OSBPL11: variants seen among roughly 807,000 people sequenced by gnomAD.
OSBPL11 encodes oxysterol-binding protein-related protein 11.
Under a neutral mutation model 84.4 loss-of-function variants are expected in OSBPL11, and 33 were observed. The observed-to-expected ratio is 0.39, with a 90% CI of 0.30 to 0.52. The LOEUF is 0.52. Ranked by LOEUF, OSBPL11 falls within the 20% of genes least tolerant of loss-of-function variation. The pLI, the probability that OSBPL11 is intolerant of heterozygous loss-of-function variation, is 0.72. For synonymous variants in OSBPL11, 276 were observed against 310.2 expected (o/e 0.89, Z 1.16); for missense variants, 736 against 901.1 (o/e 0.82, Z 2.35).
intron 9 of OSBPL11, among the ~76,000 whole-genome samples, chr3:125,549,337 T>G (rs540372900): frequency 2.6e-5 from 4 of 152,206 alleles, no homozygotes; most frequent in Non-Finnish European, 5.9e-5. Context: ...TTCCTGACTT[T>G]TACTTACTTT....
chr3:125,557,421 G>A (rs369740368), intron 8 of OSBPL11, among the ~76,000 whole-genome samples: 13 of 151,630 alleles, frequency 8.6e-5, no homozygotes, highest in South Asian at 2.1e-4. Flanking sequence ...TAGCTCTGTC[G>A]CCCAGGCTAG....
At chr3:125,577,102 T>C (rs902860220) in intron 4 of OSBPL11, among the ~76,000 whole-genome samples, 1 of 152,214 alleles carries the variant, frequency 6.6e-6, no homozygotes, top group Non-Finnish European at 1.5e-5. Flanking sequence ...ACTAGAACCT[T>C]GCAGTATGAG....
chr3:125,578,894 A>T, intron 4 of OSBPL11, 66 bp downstream of exon 4: 1 of 1,033,894 alleles, frequency 9.7e-7, no homozygotes. Flanking sequence ...CAATTTTAAA[A>T]GGCAAAAAAT....
In OSBPL11 at chr3:125,563,751, G is replaced by T; in HGVS notation, c.961C>A (p.Pro321Thr). 6.2e-7 allele frequency: 1 copy of T among 1,614,094 alleles called. No homozygotes were observed. Among genetic ancestry groups the T allele is most frequent in the Non-Finnish European group, 8.5e-7 (1 of 1,179,978 alleles). ...GGCTGCTCTTCTGGGACTGCCACCGGCTTACTCTGATCAGTTGCAAAGGGC... is the reference window on the plus strand; with the variant it reads ...GGCTGCTCTTCTGGGACTGCCACCGTCTTACTCTGATCAGTTGCAAAGGGC... ...DQPFATDQSK[P>T]VAVPEEQPVA... Residue 321 changes from proline (P) to threonine (T), a missense_variant, in exon 7 of 13, where the codon CCG (proline) becomes ACG (threonine). Physicochemically the swap from Pro to Thr is conservative, Grantham distance 38. This residue lies in a region of OSBPL11 where 579 missense variants were observed against 717.6 expected (regional missense o/e 0.81). Transcript: ENST00000296220.
chr3:125,583,518 C>T (rs1303155881), intron 1 of OSBPL11, among the ~76,000 whole-genome samples: 1 of 137,492 alleles, frequency 7.3e-6, no homozygotes, highest in South Asian at 2.3e-4. Flanking sequence ...GAGGTGGAGG[C>T]TGCAATGAGC....
chr3:125,593,391 G>A (rs1580069379), intron 1 of OSBPL11, among the ~76,000 whole-genome samples: 1 of 152,100 alleles, frequency 6.6e-6, no homozygotes, highest in East Asian at 1.9e-4. Flanking sequence ...AAGCAGAGGA[G>A]GGCTGATCAC....
At chr3:125,571,870 C>G (rs532351143) in intron 5 of OSBPL11, among the ~76,000 whole-genome samples, 4 of 152,224 alleles carry the variant, frequency 2.6e-5, no homozygotes, top group East Asian at 3.8e-4. Flanking sequence ...TCAGAGCCCC[C>G]ACACAGAGTC....
Position 125,563,718 on chromosome 3 carries a change from C to T in OSBPL11, c.994G>A (p.Glu332Lys). The change falls in exon 7 of 13, where the codon GAA becomes AAA. Residue 332 changes from glutamate (E) to lysine (K), a missense_variant. Coordinates refer to ENST00000296220, the MANE Select transcript of OSBPL11 (RefSeq NM_022776.5). ...VAVPEEQPVA[E>K]SGLLAREPEE... Reference sequence around the variant, plus strand: ...CTTACCCTCGCTAATAGTCCAGATTCTGCAACAGGCTGCTCTTCTGGGACT... The same window carrying T: ...CTTACCCTCGCTAATAGTCCAGATTTTGCAACAGGCTGCTCTTCTGGGACT... 1 of 1,614,144 alleles carries T rather than the reference C, an allele frequency of 6.2e-7. No homozygotes were observed. The highest frequency in any genetic ancestry group is 8.5e-7 in the Non-Finnish European group (1 of 1,180,028).
At chr3:125,541,851 G>T (rs981026603) in intron 10 of OSBPL11, among the ~76,000 whole-genome samples, 1 of 152,140 alleles carries the variant, frequency 6.6e-6, no homozygotes, top group South Asian at 2.1e-4. Context: ...CCAAAGTGCT[G>T]GGATTAGAGG....
chr3:125,530,662 G>A, intron 12 of OSBPL11, 82 bp from the exon 13 acceptor site: 1 of 1,085,212 alleles, frequency 9.2e-7, no homozygotes, highest in Non-Finnish European at 1.4e-6. Context: ...CACCTTCACT[G>A]AAATGGAATT....
rs193299853 is a variant in OSBPL11 at position 125,575,234 on chromosome 3, G to A, written c.666+955C>T. ...TAATATTTAGAACTTAACAAACTGC[G>A]TGTTTTATTAACTAGAATTATTTGG... is the stretch of plus-strand genomic sequence containing the variant. On this transcript the variant is annotated intron_variant, in intron 5 of 12. Transcript: ENST00000296220. 1.1e-4 allele frequency among the ~76,000 whole-genome samples: 16 copies of A among 152,028 alleles called. No homozygotes were observed. In the East Asian group the frequency reaches 1.4e-3, roughly 13 times the overall value.
chr3:125,550,371 TCACACACACA>T (rs58412964), intron 9 of OSBPL11, among the ~76,000 whole-genome samples: 25 of 132,252 alleles, frequency 1.9e-4, no homozygotes, highest in Admixed American at 4.7e-4. Flanking sequence ...CTAGACCGTG[TCACACACACA>T]CACACACACA....
At position 125,595,076 on chromosome 3, in the gene OSBPL11, G is replaced by T; in HGVS notation, c.-276C>A. On this transcript the variant is annotated 5_prime_UTR_variant, in exon 1 of 13. Transcript: ENST00000296220. ...AAGCAAGGAGGAAAAAGCATCCGGC[G>T]AGAAGACTTAAGTGACATACTCAAA... The T allele has an allele frequency of 2.8e-6, 1 of 356,926 alleles. No individual in the cohort carries two copies. Among genetic ancestry groups the T allele is most frequent in the Non-Finnish European group, 5.2e-6 (1 of 192,146 alleles). 22.1% of individuals were successfully genotyped at this position (356,926 alleles called of 1,614,324 possible).
chr3:125,539,076 C>T (rs1244146314), intron 10 of OSBPL11, among the ~76,000 whole-genome samples: 1 of 151,546 alleles, frequency 6.6e-6, no homozygotes, highest in African/African-American at 2.4e-5. Context: ...CTGCATACAT[C>T]AATCCCGTAC....
Position 125,578,965 on chromosome 3 carries a change from C to A in OSBPL11, c.484G>T (p.Gly162Ter). The A allele has an allele frequency of 6.5e-7, 1 of 1,550,362 alleles. No individual in the cohort carries two copies. Among genetic ancestry groups the A allele is most frequent in the Non-Finnish European group, 8.7e-7 (1 of 1,145,812 alleles). ...TTGTATATAAATCTACATACCTTTC[C>A]AATAGCTTCAGTATGATGCTGTGTA... is the stretch of plus-strand genomic sequence containing the variant. ...ICTQHHTEAI[G>*]KNNPPLKSRS... is the part of the protein sequence containing the mutation. The change falls in exon 4 of 13, where the codon GGA (glycine) becomes TGA (stop). Residue 162 changes from glycine (G) to a stop codon, truncating the protein, a stop_gained. Coordinates refer to ENST00000296220, the MANE Select transcript of OSBPL11 (RefSeq NM_022776.5). LOFTEE classifies it high-confidence loss of function.
At chr3:125,543,123 GA>G (rs1935757914) in intron 10 of OSBPL11, among the ~76,000 whole-genome samples, 3 of 128,088 alleles carry the variant, frequency 2.3e-5, no homozygotes, top group African/African-American at 9.2e-5. Context: ...GGGCTAGTAA[GA>G]TTTTTTTTTT....
intron 12 of OSBPL11, among the ~76,000 whole-genome samples, chr3:125,531,113 C>A (rs1416361431): frequency 6.6e-6 from 1 of 151,450 alleles, no homozygotes; most frequent in Non-Finnish European, 1.5e-5. Context: ...TCCCAAGTAG[C>A]TGGGATTACA....
At chr3:125,583,409 C>T (rs1459928147) in intron 1 of OSBPL11, among the ~76,000 whole-genome samples, 1 of 151,110 alleles carries the variant, frequency 6.6e-6, no homozygotes, top group African/African-American at 2.4e-5. Context: ...GGCGAAAACC[C>T]ATCTCTACTA....
intron 5 of OSBPL11, among the ~76,000 whole-genome samples, chr3:125,575,915 T>A (rs528439484): frequency 1.4e-4 from 21 of 151,376 alleles, no homozygotes; most frequent in African/African-American, 5.1e-4. Flanking sequence ...CTTTTGATCA[T>A]AAAATTTACA....
Sources: allele counts gnomAD v4.1 joint callset (sites outside exome capture counted in the v4.1 genomes callset), GRCh38; gene constraint gnomAD v4.1.1; regional missense constraint gnomAD v4.1.1; transcripts MANE v1.5; gene names NCBI Gene and HGNC (gene_info 2026-07-23, HGNC 2026-07-21).